Variants in PDSS2 observed in about 807,000 individuals in gnomAD.
PDSS2 encodes decaprenyl diphosphate synthase subunit 2.
A neutral mutation model predicts 44.5 loss-of-function variants in PDSS2; 31 were observed. That is an observed-to-expected ratio of 0.70 (90% CI 0.52 to 0.94). The LOEUF (loss-of-function observed/expected upper bound fraction) is 0.94. Ranked by LOEUF, PDSS2 falls within the 40% of genes least tolerant of loss-of-function variation. The pLI, the probability that PDSS2 is intolerant of heterozygous loss-of-function variation, is 0.00. For missense variants in PDSS2, 452 were observed against 482.2 expected, an observed-to-expected ratio of 0.94 and a Z score of 0.59; for synonymous variants, 157 against 180.3, an observed-to-expected ratio of 0.87 and a Z score of 1.03.
At chr6:107,190,914 C>T (rs947434453) in intron 7 of PDSS2, among the ~76,000 whole-genome samples, 1 of 151,780 alleles carries the variant, frequency 6.6e-6, no homozygotes, top group African/African-American at 2.4e-5. Flanking sequence ...TTTTTTGAGA[C>T]GGAGTCTTGC....
intron 1 of PDSS2, among the ~76,000 whole-genome samples, chr6:107,376,562 C>A (rs952440189): frequency 2.0e-5 from 3 of 151,992 alleles, no homozygotes; most frequent in Non-Finnish European, 2.9e-5. Context: ...GGCTCTCTGT[C>A]TGTTATTGGT....
intron 7 of PDSS2, among the ~76,000 whole-genome samples, chr6:107,171,016 A>G (rs1203114392): frequency 6.6e-6 from 1 of 152,228 alleles, no homozygotes; most frequent in African/African-American, 2.4e-5. Flanking sequence ...GGCATTTGGT[A>G]TATGCTGGAA....
intron 4 of PDSS2, among the ~76,000 whole-genome samples, chr6:107,238,668 TC>T (rs1247328707): frequency 1.2e-4 from 18 of 152,202 alleles, no homozygotes; most frequent in African/African-American, 4.3e-4. Flanking sequence ...AATTCCAGAC[TC>T]CTATAAGGAA....
At chr6:107,299,162 A>AG (rs201846591) in intron 2 of PDSS2, among the ~76,000 whole-genome samples, 2,638 of 149,834 alleles carry the variant, frequency 0.018, 101 homozygotes, top group African/African-American at 0.062. Context: ...AAAAAAAAAA[A>AG]AAAAAAAGAA....
At position 107,360,504 on chromosome 6, in the gene PDSS2, T is replaced by A. The variant is rs1233980682; in HGVS notation, c.297-26172A>T. 2.0e-5 allele frequency among the ~76,000 whole-genome samples: 3 copies of A among 152,206 alleles called. No homozygotes were observed. The East Asian group carries it at 5.8e-4, about 29-fold the overall frequency. On this transcript the variant is annotated intron_variant, in intron 1 of 7. Coordinates refer to ENST00000369037, the MANE Select transcript of PDSS2 (RefSeq NM_020381.4). ...AAAAGAAGTAGGCCCACCAGAGGCA[T>A]AGTTTATGAGATAGGCTTGCCATTA...
intron 7 of PDSS2, among the ~76,000 whole-genome samples, chr6:107,164,139 C>T (rs974317188): frequency 6.7e-5 from 10 of 149,548 alleles, no homozygotes; most frequent in South Asian, 2.1e-4. Context: ...TATTTTAAGA[C>T]TGTTGTTTTG....
At chr6:107,343,944 A>G (rs961995277) in intron 1 of PDSS2, among the ~76,000 whole-genome samples, 2 of 152,228 alleles carry the variant, frequency 1.3e-5, no homozygotes, top group Non-Finnish European at 2.9e-5. Flanking sequence ...TGCACACAAG[A>G]GCACAGATAT....
At chr6:107,172,057 T>C (rs186394387) in intron 7 of PDSS2, among the ~76,000 whole-genome samples, 2 of 152,266 alleles carry the variant, frequency 1.3e-5, no homozygotes, top group African/African-American at 4.8e-5. Context: ...AACTAAATAA[T>C]TGTATAAGTG....
intron 1 of PDSS2, among the ~76,000 whole-genome samples, chr6:107,376,934 C>A (rs1275252660): frequency 6.6e-6 from 1 of 151,714 alleles, no homozygotes; most frequent in African/African-American, 2.4e-5. Context: ...CCATAAAAAC[C>A]CTAGAAGAAA....
intron 3 of PDSS2, among the ~76,000 whole-genome samples, chr6:107,258,689 G>A (rs1016526430): frequency 3.3e-5 from 5 of 152,092 alleles, no homozygotes; most frequent in Non-Finnish European, 4.4e-5. Context: ...TATAATCCCA[G>A]CTACTTGGGA....
At chr6:107,380,596 G>A (rs1336159725) in intron 1 of PDSS2, among the ~76,000 whole-genome samples, 1 of 152,084 alleles carries the variant, frequency 6.6e-6, no homozygotes, top group East Asian at 1.9e-4. Flanking sequence ...AAGTGTGGGG[G>A]CCTCCTTAGT....
At chr6:107,366,112 G>A (rs138926680) in intron 1 of PDSS2, among the ~76,000 whole-genome samples, 12 of 152,146 alleles carry the variant, frequency 7.9e-5, no homozygotes, top group African/African-American at 2.6e-4. Flanking sequence ...TCAAGCACAC[G>A]TGGAACATTC....
intron 7 of PDSS2, among the ~76,000 whole-genome samples, chr6:107,181,689 A>G (rs1771989041): frequency 6.6e-6 from 1 of 151,954 alleles, no homozygotes; most frequent in South Asian, 2.1e-4. Context: ...CAGGAGTTTG[A>G]GATCAGCCTG....
intron 3 of PDSS2, among the ~76,000 whole-genome samples, chr6:107,255,017 C>A (rs953084179): frequency 1.3e-5 from 2 of 151,442 alleles, no homozygotes; most frequent in Non-Finnish European, 2.9e-5. Context: ...GTGCCCATTA[C>A]CATGCCCAGC....
At chr6:107,386,513 T>C (rs1297522796) in intron 1 of PDSS2, among the ~76,000 whole-genome samples, 1 of 152,220 alleles carries the variant, frequency 6.6e-6, no homozygotes, top group African/African-American at 2.4e-5. Context: ...TTGGTAATTA[T>C]TCATCTTGGA....
Position 107,210,480 on chromosome 6 carries a change from C to T in PDSS2, c.967G>A (p.Glu323Lys), listed in dbSNP as rs267600756. The T allele has an allele frequency of 1.2e-6, 2 of 1,609,764 alleles. No individual in the cohort carries two copies. The highest frequency in any genetic ancestry group is 3.3e-5 in the Admixed American group (2 of 59,992). The change falls in exon 6 of 8, where the codon GAA becomes AAA. Residue 323 changes from glutamate (E) to lysine (K), a missense_variant. Transcript: ENST00000369037. Reference protein sequence around the residue: ...LNSAPVVLHQEFLGRDLWIKQ... With the variant: ...LNSAPVVLHQKFLGRDLWIKQ... The stretch of plus-strand genomic sequence containing the variant: ...ATCCACAAATCTCTTCCAAGAAATT[C>T]CTGATGTAAGACTACAGGAGCTGAG...
At chr6:107,457,365 C>T (rs1410716346) in intron 1 of PDSS2, among the ~76,000 whole-genome samples, 3 of 152,168 alleles carry the variant, frequency 2.0e-5, no homozygotes, top group African/African-American at 7.2e-5. Context: ...GTTATTTCTT[C>T]CAACTGCATG....
intron 7 of PDSS2, among the ~76,000 whole-genome samples, chr6:107,189,918 G>A (rs563149736): frequency 6.6e-6 from 1 of 151,426 alleles, no homozygotes; most frequent in Non-Finnish European, 1.5e-5. Flanking sequence ...AAGAAAGAAA[G>A]AAACAAATAA....
intron 6 of PDSS2, among the ~76,000 whole-genome samples, chr6:107,198,260 C>T (rs1475749375): frequency 1.3e-5 from 2 of 152,156 alleles, no homozygotes; most frequent in Admixed American, 6.6e-5. Flanking sequence ...GGGATGACGG[C>T]AGAGAAATTC....
Sources: allele counts gnomAD v4.1 joint callset (sites outside exome capture counted in the v4.1 genomes callset), GRCh38; gene constraint gnomAD v4.1.1; transcripts MANE v1.5; gene names NCBI Gene and HGNC (gene_info 2026-07-23, HGNC 2026-07-21).